CARD8: variants seen among roughly 807,000 people sequenced by gnomAD.
CARD8 encodes the protein caspase recruitment domain family member 8.
A neutral mutation model predicts 53.2 loss-of-function variants in CARD8; 38 were observed. The ratio of observed to expected loss-of-function variants is 0.71; its 90% CI spans 0.55 to 0.94. The LOEUF is 0.94. CARD8 is among the 40% of genes least tolerant of loss of function. The pLI is 0.00. For missense variants in CARD8, 561 were observed against 655.5 expected, an observed-to-expected ratio of 0.86 and a Z score of 1.57; for synonymous variants, 245 against 244.9, an observed-to-expected ratio of 1.00 and a Z score of 0.00.
At chr19:48,230,113 T>TA (rs888484180) in intron 10 of CARD8, among the ~76,000 whole-genome samples, 2 of 151,888 alleles carry the variant, frequency 1.3e-5, no homozygotes, top group African/African-American at 2.4e-5. Context: ...ACTCTGTCTC[T>TA]AAAAAAAGAA....
At chr19:48,205,299 T>C (rs1239029294), downstream of CARD8, among the ~76,000 whole-genome samples, 5 of 152,036 alleles carry the variant, frequency 3.3e-5, no homozygotes, top group Non-Finnish European at 7.4e-5. Flanking sequence ...GCATGATCTC[T>C]GCTCATTTCA....
intron 6 of CARD8, chr19:48,233,537 A>G: frequency 2.6e-6 from 1 of 379,028 alleles, no homozygotes; most frequent in South Asian, 1.9e-5. Context: ...ACATTTTGCT[A>G]TGGATTCGGG....
intron 4 of CARD8, among the ~76,000 whole-genome samples, chr19:48,240,413 A>C (rs1282448726): frequency 6.6e-6 from 1 of 152,170 alleles, no homozygotes; most frequent in Non-Finnish European, 1.5e-5. Context: ...CATGGTCAGA[A>C]TCAAGGAAGG....
At position 48,219,623 on chromosome 19, in the gene CARD8, C is replaced by T. The variant is rs187402061; in HGVS notation, c.1162-611G>A. ...AAATTACAAAGGGTGAGATTGTTGG[C>T]TGGAATCTTTTTAAATGGAAGATGA... On this transcript the variant is annotated intron_variant, in intron 11 of 13. Transcript: ENST00000651546. Among the ~76,000 whole-genome samples, 196 of 152,226 alleles carry T rather than the reference C, an allele frequency of 1.3e-3. 1 individual carries two copies. The highest frequency in any genetic ancestry group is 4.6e-3 in the African/African-American group (190 of 41,532).
intron 13 of CARD8, 86 bp downstream of exon 13, chr19:48,215,254 T>A: frequency 1.1e-6 from 1 of 943,184 alleles, no homozygotes; most frequent in Non-Finnish European, 1.7e-6. Flanking sequence ...TCTGGTGCCA[T>A]GTCACTTGGA....
chr19:48,244,677 G>T (rs576155354), intron 3 of CARD8, among the ~76,000 whole-genome samples: 1 of 152,258 alleles, frequency 6.6e-6, no homozygotes, highest in East Asian at 1.9e-4. Context: ...CTTGTAGAAA[G>T]AACATTCTGC....
chr19:48,212,698 C>T (rs1171720391), intron 13 of CARD8, among the ~76,000 whole-genome samples: 1 of 152,212 alleles, frequency 6.6e-6, no homozygotes, highest in African/African-American at 2.4e-5. Flanking sequence ...TTTTGCTCCA[C>T]ATCCTAAACA....
intron 7 of CARD8, 109 bp downstream of exon 7, chr19:48,232,344 A>C: frequency 9.9e-7 from 1 of 1,011,462 alleles, no homozygotes; most frequent in Non-Finnish European, 1.5e-6. Flanking sequence ...GGTAAGGGAA[A>C]GCACTCCTGA....
chr19:48,224,782 G>C (rs2041400025), intron 10 of CARD8, among the ~76,000 whole-genome samples: 1 of 144,654 alleles, frequency 6.9e-6, no homozygotes, highest in South Asian at 2.2e-4. Context: ...TTGAGATGGA[G>C]TCTCGCTCTG....
intron 6 of CARD8, chr19:48,233,073 G>A (rs2043202560): frequency 5.7e-6 from 2 of 351,232 alleles, no homozygotes; most frequent in Non-Finnish European, 1.1e-5. Flanking sequence ...CCACACCTGG[G>A]AAGCTTTAAA....
rs2044935223 is a variant in CARD8, at chr19:48,241,064, C to G, written c.-43-1G>C. ...ATGTCTTTACTGTATCTTTTTTACC[C>G]TGAAAAAATAAAAGGAGGTTGTATT... On this transcript the variant is annotated splice_acceptor_variant, in intron 3 of 13. Coordinates refer to ENST00000651546, the MANE Select transcript of CARD8 (RefSeq NM_001184900.3). LOFTEE classifies it low-confidence loss of function (5UTR_SPLICE). 6.9e-7 allele frequency: 1 copy of G among 1,454,902 alleles called. No individual in the cohort carries two copies. The highest frequency in any genetic ancestry group is 9.3e-7 in the Non-Finnish European group (1 of 1,074,966). The allele number at this position is 1,454,902 out of a possible 1,614,324, so 90.1% of individuals were successfully genotyped here. A position where few individuals can be genotyped will look rare whatever the true frequency, so the allele number is the denominator to read the frequency against.
rs1164721995 is a variant in CARD8, at chr19:48,209,400, C to G, written c.*2310G>C. The G allele has an allele frequency of 6.6e-6, 1 of 151,864 alleles. No homozygotes were observed. The highest frequency in any genetic ancestry group is 1.5e-5 in the Non-Finnish European group (1 of 67,974). The allele number at this position is 151,864 out of a possible 1,614,324, so 9.4% of individuals were successfully genotyped here. A position where few individuals can be genotyped will look rare whatever the true frequency, so the allele number is the denominator to read the frequency against. On this transcript the variant is annotated 3_prime_UTR_variant, in exon 14 of 14. Transcript: ENST00000651546. ...AGAGAACAAAATGGAAATTTTAGAA[C>G]TGATACATACAGTGACCAAAATTTA...
intron 3 of CARD8, chr19:48,242,672 T>G (rs1277402481): frequency 1.3e-5 from 2 of 152,226 alleles, no homozygotes; most frequent in Non-Finnish European, 2.9e-5. Context: ...ACTGTGAATA[T>G]TCAGGTACGA....
Position 48,217,105 on chromosome 19 carries a change from C to G in CARD8, c.1304-1721G>C, listed in dbSNP as rs558698543. ...CTCCTACGAGAATGTAATGCCACCA[C>G]TGATCCGACAGGAGGCAGAGCGCAG... On this transcript the variant is annotated intron_variant, in intron 12 of 13. Coordinates refer to ENST00000651546, the MANE Select transcript of CARD8 (RefSeq NM_001184900.3). 4.7e-4 allele frequency among the ~76,000 whole-genome samples: 71 copies of G among 152,184 alleles called. 2 individuals carry two copies. The highest frequency in any genetic ancestry group is 1.7e-3 in the African/African-American group (69 of 41,518).
chr19:48,233,243 A>G (rs1380025189), intron 6 of CARD8: 2 of 438,738 alleles, frequency 4.6e-6, no homozygotes, highest in Admixed American at 5.0e-5. Flanking sequence ...ATGCCTCTGG[A>G]GAGAAACCTG....
intron 4 of CARD8, among the ~76,000 whole-genome samples, chr19:48,239,744 C>T (rs1270877051): frequency 1.3e-5 from 2 of 152,046 alleles, no homozygotes; most frequent in East Asian, 1.9e-4. Flanking sequence ...CCAAAGTGCT[C>T]GGATTACAGG....
intron 10 of CARD8, among the ~76,000 whole-genome samples, chr19:48,223,076 G>A (rs1361668117): frequency 6.6e-6 from 1 of 152,184 alleles, no homozygotes; most frequent in Non-Finnish European, 1.5e-5. Flanking sequence ...GGCCGAGGCA[G>A]GCAGATCACC....
intron 8 of CARD8, 145 bp downstream of exon 8, chr19:48,231,515 G>A (rs1448430605): frequency 1.3e-6 from 1 of 756,598 alleles, no homozygotes; most frequent in Non-Finnish European, 2.1e-6. Context: ...ATGTTGGCCA[G>A]GCTGGTCTCG....
At chr19:48,229,259 T>A (rs2042387839) in intron 10 of CARD8, among the ~76,000 whole-genome samples, 1 of 140,804 alleles carries the variant, frequency 7.1e-6, no homozygotes, top group African/African-American at 3.2e-5. Context: ...CAATGAGGTT[T>A]TTCCATCCCA....
Sources: gnomAD v4.1 joint callset for allele counts (sites outside exome capture counted in the v4.1 genomes callset) on GRCh38, gnomAD v4.1.1 for gene constraint, MANE v1.5 for transcripts, NCBI Gene and HGNC (gene_info 2026-07-23, HGNC 2026-07-21) for gene names.